Variants in HK1 observed in about 807,000 individuals in gnomAD.
HK1 encodes hexokinase-1.
Under a neutral mutation model 91.6 loss-of-function variants are expected in HK1, and 28 were observed. The ratio of observed to expected loss-of-function variants is 0.31; its 90% confidence interval spans 0.23 to 0.42. The LOEUF (loss-of-function observed/expected upper bound fraction) is 0.42, where lower values mean the gene tolerates loss of function less well. Ranked by LOEUF, HK1 falls within the 10% of genes least tolerant of loss-of-function variation. The pLI, the probability that HK1 is intolerant of heterozygous loss-of-function variation, is 1.00. For missense variants in HK1, 770 were observed against 1,219.8 expected (o/e 0.63, Z 5.49); for synonymous variants, 430 against 468.1 (o/e 0.92, Z 1.05).
At chr10:69,349,186 A>G (rs1051020168) in intron 2 of HK1, among the ~76,000 whole-genome samples, 1 of 152,202 alleles carries the variant, frequency 6.6e-6, no homozygotes, top group Non-Finnish European at 1.5e-5. Context: ...CCAAAGAGAA[A>G]AGGAAATAAA....
intron 12 of HK1, 83 bp downstream of exon 12, chr10:69,384,998 C>G: frequency 6.9e-7 from 1 of 1,449,132 alleles, no homozygotes; most frequent in Non-Finnish European, 9.7e-7. Context: ...GAGGCCTTCT[C>G]CAGCCTCAGT....
At chr10:69,341,110 G>A (rs1186255427) in intron 1 of HK1, among the ~76,000 whole-genome samples, 1 of 151,766 alleles carries the variant, frequency 6.6e-6, no homozygotes, top group African/African-American at 2.4e-5. Flanking sequence ...TCCTCCCAGG[G>A]CCATGTTTTT....
At chr10:69,357,624 T>C (rs1849196651) in intron 2 of HK1, among the ~76,000 whole-genome samples, 1 of 152,106 alleles carries the variant, frequency 6.6e-6, no homozygotes, top group Non-Finnish European at 1.5e-5. Flanking sequence ...TAATCTTTTT[T>C]GTGTTTTTGG....
chr10:69,304,847 G>T (rs921097701), intron 5 of HK1, among the ~76,000 whole-genome samples: 1 of 152,144 alleles, frequency 6.6e-6, no homozygotes, highest in African/African-American at 2.4e-5. Context: ...TGTTTGCAGC[G>T]TTCGGTTCCT....
At chr10:69,351,273 C>T (rs1197493448) in intron 2 of HK1, among the ~76,000 whole-genome samples, 1 of 151,990 alleles carries the variant, frequency 6.6e-6, no homozygotes, top group South Asian at 2.1e-4. Flanking sequence ...TTTGGGAGGC[C>T]AGGGCAGTCG....
At chr10:69,375,815 C>T (rs998360885) in intron 7 of HK1, among the ~76,000 whole-genome samples, 1 of 152,210 alleles carries the variant, frequency 6.6e-6, no homozygotes, top group Non-Finnish European at 1.5e-5. Flanking sequence ...TGGCATCGAG[C>T]CCTGGTTCTT....
chr10:69,280,739 C>T (rs1844706163), intron 1 of HK1, among the ~76,000 whole-genome samples: 1 of 152,166 alleles, frequency 6.6e-6, no homozygotes, highest in Non-Finnish European at 1.5e-5. Context: ...CTTGGATTTG[C>T]CAGCCTCCAG....
At position 69,372,270 on chromosome 10, in the gene HK1, T is replaced by G. The variant is rs77713124; in HGVS notation, c.875+2646T>G. ...TTTGGGTGGGGACACAGCCAAACCA[T>G]ATCACTAGTTTACTGCATACTGTAG... On this transcript the variant is annotated intron_variant, in intron 7 of 17. Transcript: ENST00000359426. Among the ~76,000 whole-genome samples, 504 of 152,312 alleles carry G rather than the reference T, an allele frequency of 3.3e-3. 1 individual carries two copies. Among genetic ancestry groups the G allele is most frequent in the Non-Finnish European group, 5.5e-3 (376 of 68,018 alleles).
chr10:69,339,513 CA>C (rs1247197451), intron 1 of HK1, among the ~76,000 whole-genome samples: 1 of 152,202 alleles, frequency 6.6e-6, no homozygotes, highest in Non-Finnish European at 1.5e-5. Flanking sequence ...TGAACCTGAA[CA>C]AAAGGAGGAA....
chr10:69,311,974 C>T (rs953436291), upstream of HK1, among the ~76,000 whole-genome samples: 3 of 151,942 alleles, frequency 2.0e-5, no homozygotes, highest in Admixed American at 6.6e-5. Context: ...TTGTCAGGCT[C>T]AGAGGCAATT....
At chr10:69,368,471 C>A in intron 4 of HK1, 65 bp from the exon 5 acceptor site, 3 of 1,382,636 alleles carry the variant, frequency 2.2e-6, no homozygotes, top group African/African-American at 1.4e-5. Context: ...TGGAGCAATG[C>A]CCAGGGCCTT....
Position 69,386,426 on chromosome 10 carries a change from T to G in HK1, c.1935+8T>G, listed in dbSNP as rs781086092. 1 of 1,594,906 alleles carries G rather than the reference T, an allele frequency of 6.3e-7. No homozygotes were observed. Among genetic ancestry groups the G allele is most frequent in the South Asian group, 1.1e-5 (1 of 90,646 alleles). On this transcript the variant is annotated splice_region_variant and intron_variant, in intron 13 of 17. Transcript: ENST00000359426. ...GCGATAAAAAGGAGAGAGGTAACTA[T>G]TAAAAGAATGTTTTTTAAAATCTTT... is the stretch of plus-strand genomic sequence containing the variant.
At chr10:69,326,493 A>G (rs962263533) in intron 1 of HK1, among the ~76,000 whole-genome samples, 12 of 152,174 alleles carry the variant, frequency 7.9e-5, no homozygotes, top group African/African-American at 2.9e-4. Context: ...AGGTCGAAAG[A>G]AAATCAGGAA....
intron 7 of HK1, among the ~76,000 whole-genome samples, chr10:69,375,132 GA>G (rs1195191053): frequency 6.6e-6 from 1 of 152,210 alleles, no homozygotes; most frequent in East Asian, 1.9e-4. Context: ...GTGAAATGGG[GA>G]TAATGCTAAT....
chr10:69,384,789 C>T lies in HK1; in HGVS notation c.1720-7C>T, dbSNP rs1839555756. 1 of 1,614,156 alleles carries T rather than the reference C, an allele frequency of 6.2e-7. No individual in the cohort carries two copies. Among genetic ancestry groups the T allele is most frequent in the African/African-American group, 1.3e-5 (1 of 75,042 alleles). ...GAGCACGGGCGATCCTTTCTTTTCC[C>T]CTGCAGCTGTTTGATCACATTGTCT... On this transcript the variant is annotated splice_polypyrimidine_tract_variant and splice_region_variant and intron_variant, in intron 11 of 17. Coordinates refer to ENST00000359426, the MANE Select transcript of HK1 (RefSeq NM_000188.3).
At chr10:69,318,725 G>A (rs936262653), upstream of HK1, 1 of 801,558 alleles carries the variant, frequency 1.2e-6, no homozygotes, top group Non-Finnish European at 1.8e-6. Flanking sequence ...GCAACCAATG[G>A]GCGTGGAGGA....
intron 3 of HK1, among the ~76,000 whole-genome samples, chr10:69,290,184 C>G (rs1349103321): frequency 6.6e-6 from 1 of 152,114 alleles, no homozygotes; most frequent in Non-Finnish European, 1.5e-5. Flanking sequence ...TGCCCTGAGC[C>G]CAGAACACTC....
chr10:69,281,699 T>G (rs773601650), intron 1 of HK1, among the ~76,000 whole-genome samples: 5 of 152,068 alleles, frequency 3.3e-5, no homozygotes, highest in Non-Finnish European at 7.4e-5. Flanking sequence ...GATATACGAA[T>G]AGTAGGAAAA....
intron 5 of HK1, among the ~76,000 whole-genome samples, chr10:69,309,357 A>G (rs1846251692): frequency 6.7e-6 from 1 of 149,298 alleles, no homozygotes; most frequent in South Asian, 2.1e-4. Flanking sequence ...AATTTTTTGT[A>G]TTTTTAGTGG....
Sources: allele counts gnomAD v4.1 joint callset (sites outside exome capture counted in the v4.1 genomes callset), GRCh38; gene constraint gnomAD v4.1.1; transcripts MANE v1.5; gene names NCBI Gene and HGNC (gene_info 2026-07-23, HGNC 2026-07-21).